The following FAM193A variants were observed in gnomAD, a reference collection of about 807,000 sequenced individuals.
FAM193A encodes the protein family with sequence similarity 193 member A, also known as protein FAM193A.
In FAM193A, 22 loss-of-function variants were observed where a neutral mutation model predicts 126.5. The ratio of observed to expected loss-of-function variants is 0.17; its 90% CI spans 0.12 to 0.25. The LOEUF (loss-of-function observed/expected upper bound fraction) is 0.25. Among genes scored for constraint, FAM193A ranks in the 10% least tolerant of loss-of-function variants. The pLI is 1.00. For synonymous variants in FAM193A, 761 were observed against 646.8 expected, an observed-to-expected ratio of 1.18 and a Z score of -2.68; for missense variants, 1,675 against 1,672.8, an observed-to-expected ratio of 1.00 and a Z score of -0.02.
intron 2 of FAM193A, among the ~76,000 whole-genome samples, chr4:2,607,399 G>T (rs1326075375): frequency 6.6e-6 from 1 of 152,148 alleles, no homozygotes; most frequent in Admixed American, 6.6e-5. Flanking sequence ...TGTCAGCACA[G>T]TGAAAAAGGC....
chr4:2,565,689 A>G (rs946054943), intron 1 of FAM193A, among the ~76,000 whole-genome samples: 7 of 152,232 alleles, frequency 4.6e-5, no homozygotes, highest in African/African-American at 1.4e-4. Context: ...CACATGATGC[A>G]TAGGGAACTG....
At chr4:2,639,043 A>G (rs1179867715) in intron 5 of FAM193A, among the ~76,000 whole-genome samples, 1 of 152,210 alleles carries the variant, frequency 6.6e-6, no homozygotes, top group Non-Finnish European at 1.5e-5. Flanking sequence ...TCACACACGC[A>G]TGGTTGTAGC....
chr4:2,701,469 T>C (rs1272624798), intron 19 of FAM193A, among the ~76,000 whole-genome samples: 1 of 152,082 alleles, frequency 6.6e-6, no homozygotes, highest in African/African-American at 2.4e-5. Context: ...GCATGCCCCA[T>C]GTCTTCCCAG....
intron 12 of FAM193A, among the ~76,000 whole-genome samples, chr4:2,670,952 G>A (rs888780006): frequency 6.6e-6 from 1 of 152,170 alleles, no homozygotes; most frequent in Non-Finnish European, 1.5e-5. Context: ...TTATGTGGCT[G>A]TGGGTGTCTC....
chr4:2,560,152 A>C (rs1461394359), intron 1 of FAM193A, among the ~76,000 whole-genome samples: 1 of 152,070 alleles, frequency 6.6e-6, no homozygotes, highest in Non-Finnish European at 1.5e-5. Context: ...CATGCTGGCC[A>C]GGCTGGTCTC....
intron 10 of FAM193A, among the ~76,000 whole-genome samples, chr4:2,662,473 A>C (rs1712574271): frequency 6.6e-6 from 1 of 152,250 alleles, no homozygotes; most frequent in South Asian, 2.1e-4. Context: ...TTTAATTTTA[A>C]TCACAAATTG....
rs959074252 is a variant in FAM193A, at chr4:2,693,620, C to T, written c.2838C>T (p.His946=). Residue 946 remains histidine (H), a synonymous_variant, in exon 16 of 21, where the codon CAC becomes CAT. Coordinates refer to ENST00000637812, the MANE Select transcript of FAM193A (RefSeq NM_001366318.2). The part of the protein sequence containing the change: ...DVFHGISKED[H]RHSAPAAPRN... The stretch of plus-strand genomic sequence containing the variant: ...TTCATGGCATCAGCAAGGAGGACCA[C>T]AGACACTCGGCCCCAGCCGCCCCGA... 8.1e-6 allele frequency: 13 copies of T among 1,613,800 alleles called. No individual in the cohort carries two copies. Among genetic ancestry groups the T allele is most frequent in the Non-Finnish European group, 1.1e-5 (13 of 1,179,862 alleles).
At chr4:2,705,598 T>G (rs55679022) in intron 19 of FAM193A, among the ~76,000 whole-genome samples, 57,970 of 151,506 alleles carry the variant, frequency 0.38, 11,754 homozygotes, top group Admixed American at 0.55. Context: ...TTCTTTTTTT[T>G]GGGAAGTGGG....
intron 19 of FAM193A, among the ~76,000 whole-genome samples, chr4:2,713,174 A>T (rs1719172842): frequency 6.6e-6 from 1 of 151,054 alleles, no homozygotes; most frequent in Non-Finnish European, 1.5e-5. Context: ...TGGGAGGCCG[A>T]GGGGGGCAGA....
At chr4:2,601,492 C>T (rs1560472527) in intron 2 of FAM193A, among the ~76,000 whole-genome samples, 1 of 152,046 alleles carries the variant, frequency 6.6e-6, no homozygotes, top group Non-Finnish European at 1.5e-5. Flanking sequence ...ACCTCGGTCT[C>T]CCAAAGTGCT....
rs144019101 is a variant in FAM193A, at chr4:2,726,043, C to T, written c.4455-5732C>T. Among the ~76,000 whole-genome samples the T allele has an allele frequency of 2.4e-3, 358 of 152,270 alleles. 4 individuals are homozygous for T. The highest frequency in any genetic ancestry group is 7.3e-3 in the African/African-American group (303 of 41,570). ...GCTCCTGAGTAGCTGCGACTACAGG[C>T]GCCCGCCACCACGCCTGGCAATTTT... On this transcript the variant is annotated intron_variant, in intron 20 of 20. Coordinates refer to ENST00000637812, the MANE Select transcript of FAM193A (RefSeq NM_001366318.2).
intron 1 of FAM193A, among the ~76,000 whole-genome samples, chr4:2,552,488 C>CT (rs1465555275): frequency 6.6e-6 from 1 of 151,906 alleles, no homozygotes; most frequent in African/African-American, 2.4e-5. Context: ...AAACGTCTCT[C>CT]TGAGCCATAC....
intron 1 of FAM193A, among the ~76,000 whole-genome samples, chr4:2,565,825 G>A (rs1470414716): frequency 6.6e-6 from 1 of 152,166 alleles, no homozygotes; most frequent in Admixed American, 6.5e-5. Context: ...AGACACAGGG[G>A]TTTGCTGGCT....
chr4:2,562,707 G>A (rs1406760637), intron 1 of FAM193A, among the ~76,000 whole-genome samples: 2 of 150,516 alleles, frequency 1.3e-5, no homozygotes, highest in Non-Finnish European at 2.9e-5. Context: ...TTGGCTCACC[G>A]CAACCTCCGC....
intron 2 of FAM193A, among the ~76,000 whole-genome samples, chr4:2,624,368 T>G (rs2108973626): frequency 6.6e-6 from 1 of 152,334 alleles, no homozygotes; most frequent in East Asian, 1.9e-4. Flanking sequence ...GGTCTTGAAC[T>G]CCTGACCTCA....
At chr4:2,610,687 T>A (rs1444073268) in intron 2 of FAM193A, among the ~76,000 whole-genome samples, 1 of 152,224 alleles carries the variant, frequency 6.6e-6, no homozygotes, top group Non-Finnish European at 1.5e-5. Flanking sequence ...GAGACGTTTG[T>A]ATTTTCCAGT....
At chr4:2,619,658 C>T (rs777250038) in intron 2 of FAM193A, among the ~76,000 whole-genome samples, 22 of 151,598 alleles carry the variant, frequency 1.5e-4, no homozygotes, top group Non-Finnish European at 2.5e-4. Context: ...CGTGAGCCAC[C>T]GTGGCTGGAC....
At chr4:2,594,264 C>T (rs1740724428) in intron 1 of FAM193A, among the ~76,000 whole-genome samples, 1 of 152,134 alleles carries the variant, frequency 6.6e-6, no homozygotes, top group Admixed American at 6.5e-5. Flanking sequence ...AAGAATGGAG[C>T]CTGGGGTCCA....
intron 6 of FAM193A, among the ~76,000 whole-genome samples, chr4:2,640,151 C>T (rs1041158971): frequency 9.9e-5 from 15 of 152,068 alleles, no homozygotes; most frequent in African/African-American, 2.7e-4. Context: ...TATCCTTGGC[C>T]GGGCAGCTGT....
Sources: gnomAD v4.1 joint callset for allele counts (sites outside exome capture counted in the v4.1 genomes callset) on GRCh38, gnomAD v4.1.1 for gene constraint, MANE v1.5 for transcripts, NCBI Gene and HGNC (gene_info 2026-07-23, HGNC 2026-07-21) for gene names.